MGA: variants seen among roughly 807,000 people sequenced by gnomAD.
MGA encodes MAX dimerization protein MGA.
MGA carries 40 observed loss-of-function variants against 261.1 expected under a neutral mutation model. The observed-to-expected ratio is 0.15, with a 90% CI of 0.12 to 0.20. The LOEUF (loss-of-function observed/expected upper bound fraction) is 0.20, where lower values mean the gene tolerates loss of function less well. Ranked by LOEUF, MGA falls within the 10% of genes least tolerant of loss-of-function variation. The pLI, the probability that MGA is intolerant of heterozygous loss-of-function variation, is 1.00. For synonymous variants in MGA, 1,302 were observed against 1,290.6 expected (o/e 1.01, Z -0.19); for missense variants, 3,397 against 3,630.5 (o/e 0.94, Z 1.65).
At chr15:41,623,858 T>G (rs2056375767) in intron 1 of MGA, among the ~76,000 whole-genome samples, 1 of 151,406 alleles carries the variant, frequency 6.6e-6, no homozygotes, top group African/African-American at 2.4e-5. Context: ...CTCTGCCTTC[T>G]GGGTTCAAGC....
Position 41,766,071 on chromosome 15 carries a change from G to C in MGA, c.7989G>C (p.Leu2663Phe), listed in dbSNP as rs754868465. The stretch of plus-strand genomic sequence containing the variant: ...CATCATTGGCCACAGAGGGAGGTTT[G>C]GTAGATATGGGTGGCAGCAAATATC... The change falls in exon 24 of 24, where the codon TTG becomes TTC. Residue 2663 changes from leucine (L) to phenylalanine (F), a missense_variant. Leu to Phe is a conservative substitution (Grantham distance 22, BLOSUM62 0). Coordinates refer to ENST00000219905, the MANE Select transcript of MGA (RefSeq NM_001164273.2). 6.2e-7 allele frequency: 1 copy of C among 1,613,506 alleles called. No individual in the cohort carries two copies. The highest frequency in any genetic ancestry group is 1.1e-5 in the South Asian group (1 of 91,054).
chr15:41,740,157 C>T lies in MGA; in HGVS notation c.4539C>T (p.Arg1513=). 6.2e-7 allele frequency: 1 copy of T among 1,614,000 alleles called. No individual in the cohort carries two copies. Among genetic ancestry groups the T allele is most frequent in the Admixed American group, 1.7e-5 (1 of 60,024 alleles). Residue 1513 remains arginine (R), a synonymous_variant, in exon 14 of 24, where the codon CGC becomes CGT. Coordinates refer to ENST00000219905, the MANE Select transcript of MGA (RefSeq NM_001164273.2). The stretch of plus-strand genomic sequence containing the variant: ...CCTCCTCTGGCACTGCAACAAATCG[C>T]CCTGGGAAGAATCTGAAGGCGTTTG...
chr15:41,722,073 A>G (rs1009311421), intron 9 of MGA, among the ~76,000 whole-genome samples: 9 of 152,104 alleles, frequency 5.9e-5, no homozygotes, highest in African/African-American at 1.9e-4. Flanking sequence ...AACGCCAGGT[A>G]AAAGAATGTA....
chr15:41,656,351 T>TCTCTCTCTCTCTCTCTCTCTCTC (rs2057183949), upstream of MGA, among the ~76,000 whole-genome samples: 1 of 100,808 alleles, frequency 9.9e-6, no homozygotes, highest in Non-Finnish European at 2.5e-5. Context: ...CTCTTCTCTC[T>TCTCTCTCTCTCTCTCTCTCTCTC]CTCTCTCTCT....
chr15:41,729,704 T>G (rs1159309692), intron 11 of MGA, among the ~76,000 whole-genome samples: 1 of 151,998 alleles, frequency 6.6e-6, no homozygotes, highest in Admixed American at 6.6e-5. Context: ...GCCGCATGCC[T>G]GTAATCCCAA....
intron 1 of MGA, among the ~76,000 whole-genome samples, chr15:41,639,930 A>G (rs907302085): frequency 6.6e-6 from 1 of 152,126 alleles, no homozygotes; most frequent in Non-Finnish European, 1.5e-5. Flanking sequence ...TTGTTGGTAG[A>G]GCTTTTGCCT....
chr15:41,662,807 A>G (rs1459982228), intron 1 of MGA, among the ~76,000 whole-genome samples: 2 of 146,380 alleles, frequency 1.4e-5, no homozygotes, highest in African/African-American at 4.9e-5. Context: ...CTTATAGTGA[A>G]GGATCATATT....
chr15:41,764,455 G>A (rs887933329), intron 22 of MGA, among the ~76,000 whole-genome samples: 1 of 151,980 alleles, frequency 6.6e-6, no homozygotes, highest in African/African-American at 2.4e-5. Context: ...GGGTTTCACC[G>A]TGTTAGCCAG....
chr15:41,763,372 A>G (rs2063605120), intron 22 of MGA, among the ~76,000 whole-genome samples: 1 of 149,930 alleles, frequency 6.7e-6, no homozygotes, highest in Admixed American at 6.6e-5. Flanking sequence ...AAGTGCTGGG[A>G]TTACAGGCGT....
intron 1 of MGA, among the ~76,000 whole-genome samples, chr15:41,661,228 C>T (rs2057377386): frequency 6.6e-6 from 1 of 152,052 alleles, no homozygotes; most frequent in Non-Finnish European, 1.5e-5. Flanking sequence ...CTTTATTCCT[C>T]TGTGGGGCAG....
intron 19 of MGA, 145 bp from the exon 20 acceptor site, chr15:41,760,177 TG>T: frequency 1.5e-6 from 1 of 680,736 alleles, no homozygotes; most frequent in Non-Finnish European, 2.6e-6. Flanking sequence ...AAGGATAGAC[TG>T]GTAGTAAGAT....
intron 1 of MGA, among the ~76,000 whole-genome samples, chr15:41,648,525 G>A (rs1216327376): frequency 6.6e-6 from 1 of 152,124 alleles, no homozygotes; most frequent in Non-Finnish European, 1.5e-5. Flanking sequence ...TTTAAATTAG[G>A]GAGTAGGGAT....
chr15:41,672,519 A>G (rs1022026099), intron 2 of MGA, among the ~76,000 whole-genome samples: 1 of 152,186 alleles, frequency 6.6e-6, no homozygotes, highest in Non-Finnish European at 1.5e-5. Context: ...TTTGATTTTA[A>G]TGGATCAAGA....
Position 41,696,781 on chromosome 15 carries a change from C to G in MGA, c.1771C>G (p.Leu591Val), listed in dbSNP as rs1437271511. 3 of 1,607,012 alleles carry G rather than the reference C, an allele frequency of 1.9e-6. No homozygotes were observed. The change falls in exon 3 of 24, where the codon CTT becomes GTT. Residue 591 changes from leucine to valine, a missense_variant. Around this residue, in one of 9 missense-constraint regions of MGA, gnomAD observed 563 missense variants for 563.6 expected, o/e 1.00. Coordinates refer to ENST00000219905, the MANE Select transcript of MGA (RefSeq NM_001164273.2). ...CTTGGGCAGAAAGAGAACAACTATG[C>G]TTAAGATTGCAACAGCCGCAAAGGT... is the stretch of plus-strand genomic sequence containing the variant.
chr15:41,687,598 G>C (rs895943945), intron 2 of MGA, among the ~76,000 whole-genome samples: 1 of 152,112 alleles, frequency 6.6e-6, no homozygotes, highest in East Asian at 1.9e-4. Flanking sequence ...TGACTCTTGA[G>C]CACTACTTTA....
At chr15:41,646,082 AT>A (rs1278189607) in intron 1 of MGA, among the ~76,000 whole-genome samples, 1 of 152,126 alleles carries the variant, frequency 6.6e-6, no homozygotes, top group Non-Finnish European at 1.5e-5. Flanking sequence ...TGCAGTAAAA[AT>A]TTCCCTCTGC....
chr15:41,712,359 G>C lies in MGA; in HGVS notation c.3085-792G>C, dbSNP rs962666562. Reference sequence around the variant, plus strand: ...CTGAGTAGCTGGGGCCTGTAGGTGTGCACTACCACGCCTGGCTAATTTTTT... The same window carrying C: ...CTGAGTAGCTGGGGCCTGTAGGTGTCCACTACCACGCCTGGCTAATTTTTT... On this transcript the variant is annotated intron_variant, in intron 8 of 23. Transcript: ENST00000219905. 8.5e-5 allele frequency among the ~76,000 whole-genome samples: 13 copies of C among 152,050 alleles called. No individual in the cohort carries two copies. In the East Asian group the frequency reaches 1.5e-3, roughly 18 times the overall value.
rs1365221653 is a variant in MGA, at chr15:41,749,645, G to A, written c.6038G>A (p.Gly2013Glu). The A allele has an allele frequency of 6.2e-7, 1 of 1,613,984 alleles. No homozygotes were observed. Among genetic ancestry groups the A allele is most frequent in the Non-Finnish European group, 8.5e-7 (1 of 1,179,894 alleles). ...GCTAATGTAATAAAACAAAACTCAG[G>A]AGCTGCTACCTCAGAAGAAACTCTG... Residue 2013 changes from glycine to glutamate, a missense_variant, in exon 17 of 24, where the codon GGA (glycine) becomes GAA (glutamate). Physicochemically the swap from Gly to Glu is moderately conservative, Grantham distance 98. Around this residue, in one of 9 missense-constraint regions of MGA, gnomAD observed 1,410 missense variants for 1,386.4 expected, o/e 1.02. Coordinates refer to ENST00000219905, the MANE Select transcript of MGA (RefSeq NM_001164273.2).
intron 21 of MGA, 89 bp from the exon 22 acceptor site, chr15:41,762,040 T>C: frequency 8.5e-7 from 1 of 1,171,806 alleles, no homozygotes; most frequent in Non-Finnish European, 1.2e-6. Flanking sequence ...TTTTTGGGAA[T>C]ATAGTTAAAG....
Sources: allele counts gnomAD v4.1 joint callset (sites outside exome capture counted in the v4.1 genomes callset), GRCh38; gene constraint gnomAD v4.1.1; regional missense constraint gnomAD v4.1.1; transcripts MANE v1.5; gene names NCBI Gene and HGNC (gene_info 2026-07-23, HGNC 2026-07-21).